Variants in CNIH3 observed in about 807,000 individuals in gnomAD.
CNIH3 encodes the protein protein cornichon homolog 3.
In CNIH3, 14 loss-of-function variants were observed where a neutral mutation model predicts 24.1. The observed-to-expected ratio is 0.58, with a 90% CI of 0.38 to 0.91. The LOEUF (loss-of-function observed/expected upper bound fraction) is 0.91. Ranked by LOEUF, CNIH3 falls within the 40% of genes least tolerant of loss-of-function variation. CNIH3 has a pLI of 0.00. For missense variants in CNIH3, 178 were observed against 196.8 expected, an observed-to-expected ratio of 0.90 and a Z score of 0.57; for synonymous variants, 68 against 73.8, an observed-to-expected ratio of 0.92 and a Z score of 0.40.
chr1:224,631,520 C>G (rs1458069625), intron 1 of CNIH3, among the ~76,000 whole-genome samples: 1 of 152,124 alleles, frequency 6.6e-6, no homozygotes, highest in African/African-American at 2.4e-5. Flanking sequence ...TCTTGTTCAT[C>G]TTCCCTTCTT....
intron 1 of CNIH3, among the ~76,000 whole-genome samples, chr1:224,439,949 C>T (rs1435565461): frequency 2.6e-5 from 4 of 152,204 alleles, no homozygotes; most frequent in African/African-American, 4.8e-5. Context: ...CCACCACACC[C>T]GGCTAATTTT....
intron 2 of CNIH3, among the ~76,000 whole-genome samples, chr1:224,682,762 T>A (rs1686461812): frequency 6.6e-6 from 1 of 152,206 alleles, no homozygotes; most frequent in Admixed American, 6.5e-5. Flanking sequence ...GACACCTTCA[T>A]TTAGGAATGC....
chr1:224,556,402 C>G (rs1371543695), intron 3 of CNIH3, among the ~76,000 whole-genome samples: 1 of 152,156 alleles, frequency 6.6e-6, no homozygotes, highest in Non-Finnish European at 1.5e-5. Context: ...AGATTCTATT[C>G]CAAACTGGCT....
At chr1:224,733,903 T>G (rs1353517616) in intron 4 of CNIH3, among the ~76,000 whole-genome samples, 1 of 152,184 alleles carries the variant, frequency 6.6e-6, no homozygotes. Context: ...ACGGCTCCCC[T>G]CCTCAGGGGC....
intron 3 of CNIH3, among the ~76,000 whole-genome samples, chr1:224,709,420 G>A (rs985444889): frequency 6.6e-5 from 10 of 152,188 alleles, no homozygotes; most frequent in African/African-American, 2.4e-4. Flanking sequence ...ATTGAGAACA[G>A]ACATAAGAGT....
chr1:224,640,904 C>T (rs1250563069), intron 1 of CNIH3, among the ~76,000 whole-genome samples: 1 of 152,130 alleles, frequency 6.6e-6, no homozygotes, highest in Non-Finnish European at 1.5e-5. Flanking sequence ...AGCAGCAGAT[C>T]TAAAGGTGAG....
At chr1:224,623,829 T>C (rs1683396419) in intron 1 of CNIH3, among the ~76,000 whole-genome samples, 1 of 152,304 alleles carries the variant, frequency 6.6e-6, no homozygotes, top group Middle Eastern at 3.4e-3. Context: ...GCCACTGCCC[T>C]TCGCAGGTCC....
intron 3 of CNIH3, among the ~76,000 whole-genome samples, chr1:224,551,512 A>G (rs1679921063): frequency 6.6e-6 from 1 of 152,222 alleles, no homozygotes; most frequent in Non-Finnish European, 1.5e-5. Context: ...GAAATATCAG[A>G]GGGATGATAT....
At chr1:224,529,414 C>T (rs1678973527) in intron 2 of CNIH3, 1 of 152,154 alleles carries the variant, frequency 6.6e-6, no homozygotes, top group Non-Finnish European at 1.5e-5. Context: ...AGAGAAGAAA[C>T]ATTCAGGTAT....
rs1024443427 is a variant in CNIH3, at chr1:224,734,290, C to T, written c.312-273C>T. 4.6e-5 allele frequency among the ~76,000 whole-genome samples: 7 copies of T among 152,228 alleles called. No homozygotes were observed. The South Asian group carries it at 6.2e-4, about 13-fold the overall frequency. On this transcript the variant is annotated intron_variant, in intron 4 of 5. Transcript: ENST00000272133. ...GGCTCTTCCTCAGACTCCTAGGCAA[C>T]GCCAGGTGACACATTTCCCCTTCTG... is the stretch of plus-strand genomic sequence containing the variant.
chr1:224,680,852 C>A, intron 1 of CNIH3, 106 bp from the exon 2 acceptor site: 1 of 826,714 alleles, frequency 1.2e-6, no homozygotes, highest in Non-Finnish European at 2.1e-6. Context: ...CCATCTACAG[C>A]CTCTTCCTTT....
intron 3 of CNIH3, among the ~76,000 whole-genome samples, chr1:224,558,914 T>C (rs1162732094): frequency 6.6e-6 from 1 of 152,226 alleles, no homozygotes; most frequent in Non-Finnish European, 1.5e-5. Flanking sequence ...TGTGAACTAG[T>C]AAAATAATTA....
chr1:224,699,414 C>T (rs1687359761), intron 3 of CNIH3, among the ~76,000 whole-genome samples: 1 of 152,244 alleles, frequency 6.6e-6, no homozygotes, highest in African/African-American at 2.4e-5. Context: ...TGCCATAACA[C>T]AGCAGCTGGG....
At chr1:224,502,210 C>T (rs935222529) in intron 1 of CNIH3, among the ~76,000 whole-genome samples, 22 of 152,040 alleles carry the variant, frequency 1.4e-4, no homozygotes, top group Admixed American at 1.2e-3. Context: ...ACTTTACTGG[C>T]CCAAGGGAAT....
chr1:224,730,538 G>T lies in CNIH3; in HGVS notation c.275G>T (p.Gly92Val). The part of the protein sequence containing the change: ...FLCAQEWLTL[G>V]LNVPLLFYHF... Reference sequence around the variant, plus strand: ...TGTGCGCAAGAGTGGCTCACGCTGGGGCTGAATGTCCCTCTACTTTTCTAT... The same window carrying T: ...TGTGCGCAAGAGTGGCTCACGCTGGTGCTGAATGTCCCTCTACTTTTCTAT... Residue 92 changes from glycine (G) to valine (V), a missense_variant, in exon 4 of 6, where the codon GGG becomes GTG. Gly to Val is a moderately radical substitution (Grantham distance 109). Coordinates refer to ENST00000272133, the MANE Select transcript of CNIH3 (RefSeq NM_152495.2). The T allele has an allele frequency of 6.4e-7, 1 of 1,559,148 alleles. No homozygotes were observed. Among genetic ancestry groups the T allele is most frequent in the East Asian group, 2.4e-5 (1 of 42,336 alleles).
chr1:224,452,745 G>A (rs529260547), intron 1 of CNIH3, among the ~76,000 whole-genome samples: 12 of 136,410 alleles, frequency 8.8e-5, no homozygotes, highest in Non-Finnish European at 1.5e-4. Context: ...TCGCGCCACT[G>A]CACTCCAGCC....
At chr1:224,546,804 CTG>C (rs1679720529) in intron 2 of CNIH3, 1 of 646,864 alleles carries the variant, frequency 1.5e-6, no homozygotes, top group Admixed American at 6.3e-5. Context: ...CCATTCAAGT[CTG>C]TATCTCCCTC....
At chr1:224,655,588 G>A (rs61827148) in intron 1 of CNIH3, among the ~76,000 whole-genome samples, 7,863 of 152,270 alleles carry the variant, frequency 0.052, 283 homozygotes, top group Non-Finnish European at 0.087. Flanking sequence ...TGAGCAACAT[G>A]GAACACTAGG....
At chr1:224,584,076 T>C (rs1681390392) in intron 5 of CNIH3, among the ~76,000 whole-genome samples, 1 of 152,198 alleles carries the variant, frequency 6.6e-6, no homozygotes, top group African/African-American at 2.4e-5. Context: ...ACAGCATAGT[T>C]CTTTGAGAAC....
Sources: gnomAD v4.1 joint callset for allele counts (sites outside exome capture counted in the v4.1 genomes callset) on GRCh38, gnomAD v4.1.1 for gene constraint, MANE v1.5 for transcripts, NCBI Gene and HGNC (gene_info 2026-07-23, HGNC 2026-07-21) for gene names.